PPM1D: variants seen among roughly 807,000 people sequenced by gnomAD.
The protein encoded by PPM1D is protein phosphatase, Mg2+/Mn2+ dependent 1D, also known as protein phosphatase 1D.
PPM1D carries 52 observed loss-of-function variants against 58.3 expected under a neutral mutation model. The observed-to-expected ratio is 0.89, with a 90% CI of 0.71 to 1.12. The LOEUF is 1.12. Among genes scored for constraint, PPM1D ranks in the 50% most tolerant of loss-of-function variants. The pLI is 0.00. For synonymous variants in PPM1D, 278 were observed against 285.1 expected, an observed-to-expected ratio of 0.98 and a Z score of 0.25; for missense variants, 564 against 777.2, an observed-to-expected ratio of 0.73 and a Z score of 3.26.
chr17:60,658,159 G>A (rs142919186), intron 5 of PPM1D, among the ~76,000 whole-genome samples: 110 of 152,190 alleles, frequency 7.2e-4, no homozygotes, highest in Non-Finnish European at 1.2e-3. Context: ...GTATATTTGC[G>A]TATTTCTGAA....
intron 3 of PPM1D, among the ~76,000 whole-genome samples, chr17:60,645,538 A>G (rs187073248): frequency 0.027 from 2,945 of 107,108 alleles, 124 homozygotes; most frequent in African/African-American, 0.12. Context: ...ATATATGTGT[A>G]TATATATGTA....
At chr17:60,656,872 T>A (rs1489159093) in intron 5 of PPM1D, 31 bp downstream of exon 5, 1 of 1,612,990 alleles carries the variant, frequency 6.2e-7, no homozygotes, top group Non-Finnish European at 8.5e-7. Flanking sequence ...TAAGTTATGT[T>A]TTAATAGACA....
intron 1 of PPM1D, among the ~76,000 whole-genome samples, chr17:60,619,576 C>T (rs1439325824): frequency 6.6e-6 from 1 of 152,060 alleles, no homozygotes; most frequent in Non-Finnish European, 1.5e-5. Flanking sequence ...TAATAGCCAT[C>T]CTAATAGGTG....
chr17:60,634,658 A>T (rs2030990060), intron 3 of PPM1D, among the ~76,000 whole-genome samples: 1 of 152,112 alleles, frequency 6.6e-6, no homozygotes, highest in South Asian at 2.1e-4. Context: ...AAATAGTTAT[A>T]TTTCTGGTCT....
intron 1 of PPM1D, among the ~76,000 whole-genome samples, chr17:60,623,058 G>T (rs1013192327): frequency 6.6e-6 from 1 of 152,172 alleles, no homozygotes; most frequent in Non-Finnish European, 1.5e-5. Context: ...GGGTGACAGA[G>T]TAAGACTCAA....
At chr17:60,643,883 CTTTTT>C (rs71148308) in intron 3 of PPM1D, among the ~76,000 whole-genome samples, 7 of 97,750 alleles carry the variant, frequency 7.2e-5, no homozygotes, top group Admixed American at 1.4e-4. Context: ...CTTTTCTTTT[CTTTTT>C]TTTTTTTTTT....
intron 1 of PPM1D, among the ~76,000 whole-genome samples, chr17:60,618,200 C>A (rs886314400): frequency 2.0e-5 from 3 of 152,186 alleles, no homozygotes; most frequent in Admixed American, 6.5e-5. Context: ...CTGTAAACTC[C>A]TGGGCTCAAG....
intron 2 of PPM1D, among the ~76,000 whole-genome samples, chr17:60,629,027 A>T (rs150372774): frequency 1.3e-5 from 2 of 152,322 alleles, no homozygotes; most frequent in African/African-American, 4.8e-5. Flanking sequence ...ACTGAGTAGC[A>T]GGGTGACCAG....
intron 3 of PPM1D, among the ~76,000 whole-genome samples, chr17:60,635,514 A>G (rs2031007107): frequency 6.6e-6 from 1 of 152,180 alleles, no homozygotes; most frequent in African/African-American, 2.4e-5. Context: ...TGTGCCTGGC[A>G]AGATTTCTTT....
chr17:60,642,274 A>C (rs2031148762), intron 3 of PPM1D, among the ~76,000 whole-genome samples: 1 of 152,162 alleles, frequency 6.6e-6, no homozygotes, highest in Non-Finnish European at 1.5e-5. Flanking sequence ...TTATAACAGG[A>C]ATAAGTTAAA....
intron 1 of PPM1D, among the ~76,000 whole-genome samples, chr17:60,605,591 T>G (rs992482657): frequency 6.6e-6 from 1 of 152,192 alleles, no homozygotes; most frequent in Non-Finnish European, 1.5e-5. Flanking sequence ...AAAATTGTGC[T>G]AAAATACAGA....
At chr17:60,625,401 A>G (rs1871565197) in intron 2 of PPM1D, among the ~76,000 whole-genome samples, 1 of 152,212 alleles carries the variant, frequency 6.6e-6, no homozygotes, top group Admixed American at 6.5e-5. Flanking sequence ...TATAGAAAAT[A>G]ATATATACCA....
chr17:60,611,625 G>A (rs1049216220), intron 1 of PPM1D, among the ~76,000 whole-genome samples: 6 of 152,066 alleles, frequency 3.9e-5, no homozygotes, highest in South Asian at 2.1e-4. Flanking sequence ...CACCATGTTT[G>A]CCAAGCTGGT....
chr17:60,661,219 CAAAA>C (rs373913706), intron 5 of PPM1D, among the ~76,000 whole-genome samples: 1 of 48,950 alleles, frequency 2.0e-5, no homozygotes, highest in African/African-American at 5.9e-5. Context: ...AACTCCATCT[CAAAA>C]AAAAAAAAAA....
intron 2 of PPM1D, among the ~76,000 whole-genome samples, chr17:60,624,297 A>G (rs1299070153): frequency 2.6e-5 from 4 of 152,254 alleles, no homozygotes; most frequent in Non-Finnish European, 5.9e-5. Context: ...AAGAGAGTGA[A>G]TAACATGAAA....
At chr17:60,662,861 G>A in intron 5 of PPM1D, 134 bp from the exon 6 acceptor site, 1 of 750,884 alleles carries the variant, frequency 1.3e-6, no homozygotes, top group African/African-American at 1.7e-5. Flanking sequence ...TAAATAGAAG[G>A]TGAACGAATT....
At chr17:60,613,932 C>T (rs1186999916) in intron 1 of PPM1D, among the ~76,000 whole-genome samples, 2 of 151,004 alleles carry the variant, frequency 1.3e-5, no homozygotes, top group Non-Finnish European at 3.0e-5. Context: ...GCCCAAGCCT[C>T]CCCGATGAGC....
At chr17:60,629,760 G>A (rs372945215) in intron 2 of PPM1D, among the ~76,000 whole-genome samples, 6 of 152,104 alleles carry the variant, frequency 3.9e-5, no homozygotes, top group East Asian at 1.9e-4. Flanking sequence ...TCTTGGGGCC[G>A]GGCACAGTGG....
rs763361257 is a variant in PPM1D at position 60,656,817 on chromosome 17, C to T, written c.1236C>T (p.Ser412=). 1.2e-6 allele frequency: 2 copies of T among 1,613,928 alleles called. No homozygotes were observed. The highest frequency in any genetic ancestry group is 2.2e-5 in the South Asian group (2 of 91,076). The change falls in exon 5 of 6, where the codon TCC becomes TCT. Residue 412 remains serine (S), a synonymous_variant. Transcript: ENST00000305921. ...AAGAAACCTGTGTGATGACTCCTTC[C>T]CCATGTTCTACACCACCAGTCAAGG... The part of the protein sequence containing the change: ...NSQETCVMTP[S]PCSTPPVKSL...
Sources: allele counts gnomAD v4.1 joint callset (sites outside exome capture counted in the v4.1 genomes callset), GRCh38; gene constraint gnomAD v4.1.1; transcripts MANE v1.5; gene names NCBI Gene and HGNC (gene_info 2026-07-23, HGNC 2026-07-21).